Variants in OR1J2 observed in about 807,000 individuals in gnomAD.
The protein encoded by OR1J2 is olfactory receptor family 1 subfamily J member 2.
For missense variants in OR1J2, 304 were observed against 246.1 expected (o/e 1.24, Z -1.57); for synonymous variants, 142 against 99.7 (o/e 1.42, Z -2.52).
the OR1J2 span, among the ~76,000 whole-genome samples, chr9:122,525,736 G>A: frequency 0.58 from 88,106 of 151,998 alleles, 27,462 homozygotes; most frequent in East Asian, 0.87. Flanking sequence ...TTAGCCAACC[G>A]TGGGGTGGGC....
the OR1J2 span, chr9:122,478,023 G>A: frequency 2.4e-6 from 2 of 822,416 alleles, no homozygotes. Context: ...TAATAGAGAT[G>A]TTCTTTTGAC....
In OR1J2 at chr9:122,510,854, C is replaced by G. The variant is rs749849611; in HGVS notation, c.53C>G (p.Pro18Arg). 19 of 1,608,894 alleles carry G rather than the reference C, an allele frequency of 1.2e-5. No individual in the cohort carries two copies. The highest frequency in any genetic ancestry group is 1.4e-5 in the Non-Finnish European group (17 of 1,175,780). ...SVSEFLLLGLPIRPEQQAVFF... is the reference protein window; with the variant it reads ...SVSEFLLLGLRIRPEQQAVFF... ...TCCGAGTTCCTCCTTCTGGGCCTCC[C>G]CATCCGGCCAGAGCAGCAGGCTGTG... The change falls in exon 1 of 1, where the codon CCC becomes CGC. Residue 18 changes from proline to arginine, a missense_variant. By Grantham distance (103) the Pro-to-Arg change is moderately radical. Coordinates refer to ENST00000335302, the MANE Select transcript of OR1J2 (RefSeq NM_054107.1).
the OR1J2 span, among the ~76,000 whole-genome samples, chr9:122,518,180 G>C: frequency 6.6e-6 from 1 of 152,144 alleles, no homozygotes; most frequent in Non-Finnish European, 1.5e-5. Flanking sequence ...TATTTTAATG[G>C]GTAGATAGTG....
the OR1J2 span, among the ~76,000 whole-genome samples, chr9:122,489,006 C>T: frequency 6.6e-6 from 1 of 150,944 alleles, no homozygotes; most frequent in Non-Finnish European, 1.5e-5. Flanking sequence ...CTCCCCTAAC[C>T]CCCCCACCCA....
chr9:122,539,696 T>C, the OR1J2 span, among the ~76,000 whole-genome samples: 1 of 152,330 alleles, frequency 6.6e-6, no homozygotes, highest in East Asian at 1.9e-4. Flanking sequence ...CCACACTGAC[T>C]TCCACAATGG....
At chr9:122,547,615 AG>A in the OR1J2 span, among the ~76,000 whole-genome samples, 2 of 133,570 alleles carry the variant, frequency 1.5e-5, no homozygotes, top group Non-Finnish European at 3.2e-5. Flanking sequence ...GCTGAGTAGT[AG>A]TTCAGTGTGT....
chr9:122,505,964 G>A (rs542013799), upstream of OR1J2, among the ~76,000 whole-genome samples: 193 of 151,998 alleles, frequency 1.3e-3, no homozygotes, highest in African/African-American at 4.3e-3. Flanking sequence ...ATAAAACCTC[G>A]AAAAAGATGA....
chr9:122,510,036 C>T (rs569300589), upstream of OR1J2, among the ~76,000 whole-genome samples: 3 of 152,262 alleles, frequency 2.0e-5, no homozygotes, highest in Admixed American at 6.5e-5. Flanking sequence ...ATAGCTAATG[C>T]ATGTGGGGCT....
the OR1J2 span, among the ~76,000 whole-genome samples, chr9:122,546,937 A>G: frequency 6.6e-6 from 1 of 152,100 alleles, no homozygotes; most frequent in Non-Finnish European, 1.5e-5. Context: ...AACATTTATC[A>G]TTTCTTTCTG....
the OR1J2 span, among the ~76,000 whole-genome samples, chr9:122,576,166 C>T: frequency 3.7e-4 from 56 of 151,522 alleles, 1 homozygote; most frequent in South Asian, 0.01. Flanking sequence ...TGTAAGAGTA[C>T]AGAAAGTATA....
chr9:122,466,628 T>C, the OR1J2 span, among the ~76,000 whole-genome samples: 8 of 152,208 alleles, frequency 5.3e-5, no homozygotes, highest in African/African-American at 1.9e-4. Context: ...AGAGACTCCC[T>C]GGGCTGTGCC....
the OR1J2 span, among the ~76,000 whole-genome samples, chr9:122,471,042 T>TGCTGAAAAGAGTTAAACTTTGGG: frequency 1.3e-5 from 2 of 152,206 alleles, no homozygotes; most frequent in Non-Finnish European, 2.9e-5. Flanking sequence ...TTTGGGTTAA[T>TGCTGAAAAGAGTTAAACTTTGGG]GCTGAAAAGA....
chr9:122,513,180 A>G (rs991600501), downstream of OR1J2, among the ~76,000 whole-genome samples: 5 of 152,182 alleles, frequency 3.3e-5, no homozygotes, highest in African/African-American at 1.2e-4. Context: ...CCCAGTCTTT[A>G]TATCCACTCT....
At chr9:122,448,790 G>T in the OR1J2 span, 2 of 152,188 alleles carry the variant, frequency 1.3e-5, no homozygotes, top group Non-Finnish European at 2.9e-5. Context: ...TGAGCTCAAA[G>T]TTGGGGCAAA....
the OR1J2 span, among the ~76,000 whole-genome samples, chr9:122,472,781 T>C: frequency 0.26 from 39,435 of 152,020 alleles, 5,805 homozygotes; most frequent in African/African-American, 0.4. Context: ...AGACTCCCTC[T>C]GACCTCATTG....
the OR1J2 span, among the ~76,000 whole-genome samples, chr9:122,482,589 T>C: frequency 6.6e-6 from 1 of 152,188 alleles, no homozygotes; most frequent in Non-Finnish European, 1.5e-5. Context: ...CTATTCACAA[T>C]AGCCAAGATG....
the OR1J2 span, among the ~76,000 whole-genome samples, chr9:122,456,410 CAG>C: frequency 6.6e-6 from 1 of 152,186 alleles, no homozygotes; most frequent in African/African-American, 2.4e-5. Context: ...TGCCCTAACA[CAG>C]AGACAATCTG....
the OR1J2 span, among the ~76,000 whole-genome samples, chr9:122,575,235 A>G: frequency 4.3e-4 from 65 of 152,154 alleles, no homozygotes; most frequent in African/African-American, 1.5e-3. Flanking sequence ...CTTTGCTTCT[A>G]TTGTCTGGAA....
chr9:122,493,863 T>A, the OR1J2 span, among the ~76,000 whole-genome samples: 10 of 152,314 alleles, frequency 6.6e-5, no homozygotes, highest in East Asian at 1.5e-3. Flanking sequence ...GCACTGCTTT[T>A]GCTGTATCCC....
Sources: allele counts gnomAD v4.1 joint callset (sites outside exome capture counted in the v4.1 genomes callset), GRCh38; gene constraint gnomAD v4.1.1; transcripts MANE v1.5; gene names NCBI Gene and HGNC (gene_info 2026-07-23, HGNC 2026-07-21).